AEBP2: variants seen among roughly 807,000 people sequenced by gnomAD.
The protein encoded by AEBP2 is zinc finger protein AEBP2.
Under a neutral mutation model 50.8 loss-of-function variants are expected in AEBP2, and 10 were observed. That is an observed-to-expected ratio of 0.20 (90% CI 0.12 to 0.33). The LOEUF (loss-of-function observed/expected upper bound fraction) is 0.33, where lower values mean the gene tolerates loss of function less well. AEBP2 is among the 10% of genes least tolerant of loss of function. The pLI is 1.00. For synonymous variants in AEBP2, 296 were observed against 261.3 expected (o/e 1.13, Z -1.28); for missense variants, 570 against 688.0 (o/e 0.83, Z 1.92).
chr12:19,475,858 T>C (rs1240848265), intron 3 of AEBP2, among the ~76,000 whole-genome samples: 4 of 152,182 alleles, frequency 2.6e-5, no homozygotes, highest in African/African-American at 9.7e-5. Flanking sequence ...TTGCCCACTT[T>C]TCGATGGGAT....
At chr12:19,447,414 A>C (rs556803396) in intron 1 of AEBP2, among the ~76,000 whole-genome samples, 2 of 152,182 alleles carry the variant, frequency 1.3e-5, no homozygotes, top group Non-Finnish European at 2.9e-5. Context: ...AAGAAAAACC[A>C]TGTCTATCTT....
chr12:19,425,955 G>T (rs573093168), intron 1 of AEBP2, among the ~76,000 whole-genome samples: 1 of 151,772 alleles, frequency 6.6e-6, no homozygotes, highest in Non-Finnish European at 1.5e-5. Context: ...TTTTCTTTTT[G>T]AGACAGGGTC....
At chr12:19,456,835 C>A (rs1309041703) in intron 1 of AEBP2, 2 of 1,543,474 alleles carry the variant, frequency 1.3e-6, no homozygotes, top group Admixed American at 1.7e-5. Flanking sequence ...CCAGTCTCCA[C>A]TCGGCCAACA....
rs1233293658 is a variant in AEBP2, at chr12:19,500,167, C to A, written c.1245C>A (p.Leu415=). The change falls in exon 5 of 8, where the codon CTC becomes CTA. Residue 415 remains leucine (L), a synonymous_variant. Transcript: ENST00000266508. ...AIRHRAICFN[L]SAHIESLGKG... is the part of the protein sequence containing the mutation. ...GACATCGAGCCATATGCTTTAACCTCTCAGCTCATATAGAAAGTTTAGGGA... is the reference window on the plus strand; with the variant it reads ...GACATCGAGCCATATGCTTTAACCTATCAGCTCATATAGAAAGTTTAGGGA... 1.9e-6 allele frequency: 3 copies of A among 1,599,078 alleles called. No individual in the cohort carries two copies. The African/African-American group carries it at 4.0e-5, about 21-fold the overall frequency.
chr12:19,518,050 C>G, intron 7 of AEBP2, 37 bp from the exon 8 acceptor site: 1 of 1,568,568 alleles, frequency 6.4e-7, no homozygotes, highest in Non-Finnish European at 8.7e-7. Context: ...GTGTTTGATT[C>G]AGTTGAATAA....
chr12:19,431,531 G>A (rs2095751448), intron 1 of AEBP2, among the ~76,000 whole-genome samples: 1 of 152,084 alleles, frequency 6.6e-6, no homozygotes, highest in East Asian at 1.9e-4. Context: ...TATAGAAAAG[G>A]CATTTTACTA....
intron 5 of AEBP2, among the ~76,000 whole-genome samples, chr12:19,505,445 G>A (rs75311805): frequency 0.048 from 7,355 of 152,284 alleles, 391 homozygotes; most frequent in Admixed American, 0.15. Context: ...ATACCATGCA[G>A]CTACTCTAAT....
chr12:19,449,715 A>G (rs896905829), intron 1 of AEBP2, among the ~76,000 whole-genome samples: 1 of 152,184 alleles, frequency 6.6e-6, no homozygotes, highest in African/African-American at 2.4e-5. Context: ...AGCTTGTAGT[A>G]ATAGTGGTAA....
intron 5 of AEBP2, among the ~76,000 whole-genome samples, chr12:19,510,291 A>ATG (rs1472043493): frequency 6.6e-6 from 1 of 152,208 alleles, no homozygotes; most frequent in Non-Finnish European, 1.5e-5. Flanking sequence ...ATACATGCTA[A>ATG]TGTAGAGTAA....
intron 2 of AEBP2, among the ~76,000 whole-genome samples, chr12:19,465,151 T>G (rs1948448844): frequency 6.6e-6 from 1 of 151,810 alleles, no homozygotes; most frequent in Admixed American, 6.6e-5. Flanking sequence ...TCCCAGCACT[T>G]TGGGAGGCTG....
At chr12:19,480,431 G>C (rs139402850) in intron 3 of AEBP2, among the ~76,000 whole-genome samples, 3 of 152,280 alleles carry the variant, frequency 2.0e-5, no homozygotes, top group Middle Eastern at 3.4e-3. Context: ...GGTGTGTTTC[G>C]AGGTTTTATT....
At chr12:19,458,097 CTT>C (rs1321574157) in intron 1 of AEBP2, among the ~76,000 whole-genome samples, 5 of 152,148 alleles carry the variant, frequency 3.3e-5, no homozygotes, top group Admixed American at 6.5e-5. Flanking sequence ...TGGATTGTCT[CTT>C]GTTACATAAC....
chr12:19,515,405 T>C (rs1044779791), intron 7 of AEBP2, among the ~76,000 whole-genome samples: 3 of 152,208 alleles, frequency 2.0e-5, no homozygotes, highest in African/African-American at 7.2e-5. Context: ...TAGGTTTTAC[T>C]ATCTCTGCTT....
chr12:19,461,971 G>C (rs2153370144), intron 1 of AEBP2, among the ~76,000 whole-genome samples: 1 of 152,046 alleles, frequency 6.6e-6, no homozygotes, highest in South Asian at 2.1e-4. Context: ...TCTCTCTTCT[G>C]CTTTTTTATT....
chr12:19,506,207 G>T (rs1310346184), intron 5 of AEBP2, among the ~76,000 whole-genome samples: 2 of 151,926 alleles, frequency 1.3e-5, no homozygotes, highest in African/African-American at 4.8e-5. Flanking sequence ...AGTGATTCTT[G>T]TGCTGCAGCT....
Position 19,518,697 on chromosome 12 carries a change from A to G in AEBP2, c.*580A>G. Reference sequence around the variant, plus strand: ...CAGAACTCTGATAAGAAAAGTGTTCAATTTGTATTTAAGCAAACAGTGAAC... The same window carrying G: ...CAGAACTCTGATAAGAAAAGTGTTCGATTTGTATTTAAGCAAACAGTGAAC... On this transcript the variant is annotated 3_prime_UTR_variant, in exon 8 of 8. Coordinates refer to ENST00000266508, the MANE Select transcript of AEBP2 (RefSeq NM_153207.5). The G allele has an allele frequency of 6.7e-7, 1 of 1,491,688 alleles. No homozygotes were observed. The highest frequency in any genetic ancestry group is 9.1e-7 in the Non-Finnish European group (1 of 1,103,908). The allele number at this position is 1,491,688 out of a possible 1,614,324, so 92.4% of individuals were successfully genotyped here.
intron 6 of AEBP2, among the ~76,000 whole-genome samples, 159 bp downstream of exon 6, chr12:19,512,624 C>A (rs1488348254): frequency 6.6e-6 from 1 of 151,594 alleles, no homozygotes; most frequent in Non-Finnish European, 1.5e-5. Context: ...AAAGGTCTTA[C>A]ACTATCAGGT....
chr12:19,518,655 C>A lies in AEBP2; in HGVS notation c.*538C>A. On this transcript the variant is annotated 3_prime_UTR_variant, in exon 8 of 8. Transcript: ENST00000266508. ...TATGATAAATAGATGTGATTGGTTG[C>A]CATTTGTGTTCTTTTGCAGAACTCT... The A allele has an allele frequency of 1.4e-6, 2 of 1,463,320 alleles. No homozygotes were observed. The highest frequency in any genetic ancestry group is 1.8e-6 in the Non-Finnish European group (2 of 1,085,532). 90.6% of individuals were successfully genotyped at this position (1,463,320 alleles called of 1,614,324 possible).
At chr12:19,482,768 C>T (rs997109890) in intron 3 of AEBP2, among the ~76,000 whole-genome samples, 1 of 152,158 alleles carries the variant, frequency 6.6e-6, no homozygotes, top group Non-Finnish European at 1.5e-5. Flanking sequence ...GCCACAGCCA[C>T]TGTGGGAGAT....
Sources: allele counts gnomAD v4.1 joint callset (sites outside exome capture counted in the v4.1 genomes callset), GRCh38; gene constraint gnomAD v4.1.1; transcripts MANE v1.5; gene names NCBI Gene and HGNC (gene_info 2026-07-23, HGNC 2026-07-21).